Variants in MTAP observed in about 807,000 individuals in gnomAD.
The protein encoded by MTAP is methylthioadenosine phosphorylase.
In MTAP, 33 loss-of-function variants were observed where a neutral mutation model predicts 33.6. The observed-to-expected ratio is 0.98, with a 90% CI of 0.74 to 1.31. The LOEUF (loss-of-function observed/expected upper bound fraction) is 1.31, where lower values mean the gene tolerates loss of function less well. Ranked by LOEUF, MTAP falls within the 40% of genes most tolerant of loss-of-function variation. The pLI is 0.00. For synonymous variants in MTAP, 148 were observed against 125.7 expected, an observed-to-expected ratio of 1.18 and a Z score of -1.19; for missense variants, 367 against 360.0, an observed-to-expected ratio of 1.02 and a Z score of -0.16.
intron 1 of MTAP, among the ~76,000 whole-genome samples, chr9:21,808,628 G>A (rs1316546029): frequency 6.7e-6 from 1 of 150,274 alleles, no homozygotes; most frequent in Non-Finnish European, 1.5e-5. Flanking sequence ...ACACACAAAC[G>A]TATTCTCTTA....
intron 1 of MTAP, among the ~76,000 whole-genome samples, chr9:21,815,025 T>C (rs1824441675): frequency 6.6e-6 from 1 of 152,224 alleles, no homozygotes; most frequent in Non-Finnish European, 1.5e-5. Context: ...CTTCTGAACA[T>C]TGTTTATTCT....
chr9:21,896,668 C>T (rs919313055), intron 1 of MTAP, among the ~76,000 whole-genome samples: 9 of 152,208 alleles, frequency 5.9e-5, no homozygotes, highest in Admixed American at 5.2e-4. Flanking sequence ...ATACACCCTC[C>T]CAAGACTAAA....
chr9:21,916,120 G>GAAGGAAGGAAGGAAGGAAGGAAGGAAGGA (rs1397028813), intron 1 of MTAP, among the ~76,000 whole-genome samples: 19 of 142,056 alleles, frequency 1.3e-4, no homozygotes, highest in African/African-American at 4.3e-4. Context: ...AGGAAGGAAG[G>GAAGGAAGGAAGGAAGGAAGGAAGGAAGGA]AGGGAGGGAA....
intron 6 of MTAP, among the ~76,000 whole-genome samples, chr9:21,856,845 G>C (rs1354139870): frequency 2.0e-5 from 3 of 152,180 alleles, no homozygotes; most frequent in African/African-American, 7.2e-5. Flanking sequence ...GATTTGAGTT[G>C]CTCCATTTGC....
chr9:21,897,539 G>C (rs1402089534), intron 1 of MTAP, among the ~76,000 whole-genome samples: 1 of 152,216 alleles, frequency 6.6e-6, no homozygotes, highest in African/African-American at 2.4e-5. Context: ...AAAGTCTCAG[G>C]ATACAAAATC....
downstream of MTAP, chr9:21,936,121 T>G (rs1337911194): frequency 6.6e-6 from 1 of 152,224 alleles, no homozygotes; most frequent in Non-Finnish European, 1.5e-5. Context: ...ATAGGAGATC[T>G]CCAGTGATGA....
At chr9:21,825,328 C>A (rs1300061155) in intron 4 of MTAP, among the ~76,000 whole-genome samples, 1 of 152,184 alleles carries the variant, frequency 6.6e-6, no homozygotes, top group Non-Finnish European at 1.5e-5. Flanking sequence ...AATAATGCTG[C>A]AGGGACCATG....
intron 1 of MTAP, among the ~76,000 whole-genome samples, chr9:21,882,006 A>G (rs951745227): frequency 4.6e-5 from 7 of 152,058 alleles, no homozygotes; most frequent in African/African-American, 1.4e-4. Flanking sequence ...TGCAATTTAC[A>G]TGCAAATGTA....
intron 1 of MTAP, among the ~76,000 whole-genome samples, chr9:21,877,881 T>C (rs896009690): frequency 6.6e-6 from 1 of 152,156 alleles, no homozygotes; most frequent in African/African-American, 2.4e-5. Context: ...ATAGAATGAG[T>C]TGGGGAGGAG....
At chr9:21,830,378 C>T (rs1333692697) in intron 4 of MTAP, among the ~76,000 whole-genome samples, 1 of 151,608 alleles carries the variant, frequency 6.6e-6, no homozygotes, top group Admixed American at 6.6e-5. Flanking sequence ...CAGTAGGTTT[C>T]TTCAGTGCCT....
At chr9:21,910,148 A>ATAT (rs1818546823) in intron 1 of MTAP, among the ~76,000 whole-genome samples, 1 of 152,170 alleles carries the variant, frequency 6.6e-6, no homozygotes. Context: ...CCATAAGAAG[A>ATAT]TATTGTTTGA....
At chr9:21,912,334 G>T (rs1476097858) in intron 1 of MTAP, among the ~76,000 whole-genome samples, 1 of 152,142 alleles carries the variant, frequency 6.6e-6, no homozygotes, top group Non-Finnish European at 1.5e-5. Context: ...AACAAAAAAA[G>T]AGAATTTTAG....
Position 21,815,437 on chromosome 9 carries a change from GAAT to G in MTAP, c.42_44del (p.Ile15del), listed in dbSNP as rs763406540. 3.1e-6 allele frequency: 5 copies of G among 1,592,428 alleles called. No homozygotes were observed. Among genetic ancestry groups the G allele is most frequent in the Non-Finnish European group, 4.3e-6 (5 of 1,166,160 alleles). On this transcript the variant is annotated inframe_deletion, in exon 2 of 8. Transcript: ENST00000644715. Reference sequence around the variant, plus strand: ...CTCTGTCTTTTTCTCTCTTAGATTGGAATAATTGGTGGAACAGGCCTGGATGAT... The same window carrying G: ...CTCTGTCTTTTTCTCTCTTAGATTGGAATTGGTGGAACAGGCCTGGATGAT...
chr9:21,838,121 G>T, intron 5 of MTAP, 111 bp downstream of exon 5: 1 of 794,500 alleles, frequency 1.3e-6, no homozygotes, highest in South Asian at 1.7e-5. Flanking sequence ...ACTCAAGTTT[G>T]CTTTGTATTA....
At chr9:21,906,756 A>G (rs1818484718) in intron 1 of MTAP, among the ~76,000 whole-genome samples, 1 of 152,272 alleles carries the variant, frequency 6.6e-6, no homozygotes, top group African/African-American at 2.4e-5. Context: ...TATCTATAAA[A>G]GAACATTTAT....
At chr9:21,811,965 A>G (rs146115043) in intron 1 of MTAP, 2 of 329,584 alleles carry the variant, frequency 6.1e-6, no homozygotes, top group Non-Finnish European at 6.0e-6. Flanking sequence ...GGCATTAAGC[A>G]TGTGCATGTC....
chr9:21,899,491 A>G lies in MTAP; in HGVS notation c.148-31517A>G, dbSNP rs1188192316. 5.9e-5 allele frequency among the ~76,000 whole-genome samples: 9 copies of G among 152,240 alleles called. No individual in the cohort carries two copies. In the South Asian group the frequency reaches 1.5e-3, roughly 25 times the overall value. On this transcript the variant is annotated intron_variant, in intron 1 of 1. Transcript: ENST00000577563. ...AGAACTGCCCAAGATTGGGTAATTT[A>G]TAAAGGAGAGAGGTTCAGTTGACTC...
intron 7 of MTAP, 87 bp from the exon 8 acceptor site, chr9:21,861,889 G>C (rs1825761612): frequency 1.1e-6 from 1 of 892,172 alleles, no homozygotes; most frequent in African/African-American, 1.7e-5. Context: ...CTTTGATCTA[G>C]AAAATCAAAA....
chr9:21,803,779 G>C lies in MTAP; in HGVS notation c.33+998G>C, dbSNP rs754899930. ...TGGCCTATGGGATAGGAAGGTCTGC[G>C]ATCTTCTCCAAAGCATCTCGATTCC... On this transcript the variant is annotated intron_variant, in intron 1 of 7. Coordinates refer to ENST00000644715, the MANE Select transcript of MTAP (RefSeq NM_002451.4). Among the ~76,000 whole-genome samples the C allele has an allele frequency of 4.6e-4, 70 of 152,022 alleles. 1 individual carries two copies. The highest frequency in any genetic ancestry group is 9.0e-4 in the Non-Finnish European group (61 of 67,998).
Sources: allele counts gnomAD v4.1 joint callset (sites outside exome capture counted in the v4.1 genomes callset), GRCh38; gene constraint gnomAD v4.1.1; transcripts MANE v1.5; gene names NCBI Gene and HGNC (gene_info 2026-07-23, HGNC 2026-07-21).